Variants in LRRC4C observed in about 807,000 individuals in gnomAD.
LRRC4C encodes the protein leucine-rich repeat-containing protein 4C.
A neutral mutation model predicts 33.6 loss-of-function variants in LRRC4C; 5 were observed. That is an observed-to-expected ratio of 0.15 (90% CI 0.08 to 0.31). The LOEUF is 0.31. Among genes scored for constraint, LRRC4C ranks in the 10% least tolerant of loss-of-function variants. LRRC4C has a pLI of 1.00. For missense variants in LRRC4C, 560 were observed against 796.7 expected, an observed-to-expected ratio of 0.70 and a Z score of 3.58; for synonymous variants, 329 against 302.0, an observed-to-expected ratio of 1.09 and a Z score of -0.93.
chr11:40,622,705 A>G (rs1304291434), intron 3 of LRRC4C, among the ~76,000 whole-genome samples: 1 of 151,868 alleles, frequency 6.6e-6, no homozygotes, highest in Non-Finnish European at 1.5e-5. Flanking sequence ...AGTGGAAAAG[A>G]GCATGGAGTT....
rs77884867 is a variant in LRRC4C at position 40,691,543 on chromosome 11, T to C, written c.-406-43265A>G. Among the ~76,000 whole-genome samples the C allele has an allele frequency of 6.8e-3, 1,037 of 152,136 alleles. 16 individuals are homozygous for C. Among genetic ancestry groups the C allele is most frequent in the African/African-American group, 0.024 (977 of 41,522 alleles). ...GCAAGAGAATACAAAAATAACTACA[T>C]ACCGGTGTACAAGGAAATACTCAGA... On this transcript the variant is annotated intron_variant, in intron 2 of 6. Transcript: ENST00000528697.
chr11:41,126,655 T>C (rs1015013491), intron 1 of LRRC4C, among the ~76,000 whole-genome samples: 13 of 151,940 alleles, frequency 8.6e-5, no homozygotes, highest in Admixed American at 2.0e-4. Flanking sequence ...CTTTGGCCCA[T>C]AGGGCATCAA....
intron 1 of LRRC4C, among the ~76,000 whole-genome samples, chr11:40,975,298 T>A (rs1365759360): frequency 1.3e-5 from 2 of 152,198 alleles, no homozygotes; most frequent in African/African-American, 4.8e-5. Flanking sequence ...GTTGTGATCT[T>A]CCTTCTGAGT....
intron 2 of LRRC4C, among the ~76,000 whole-genome samples, chr11:40,861,498 A>G (rs944515109): frequency 1.1e-4 from 16 of 152,322 alleles, no homozygotes; most frequent in African/African-American, 3.4e-4. Context: ...GGTTTATGGA[A>G]AATCTGAGAA....
At chr11:40,902,694 G>A (rs906924317) in intron 2 of LRRC4C, among the ~76,000 whole-genome samples, 5 of 152,136 alleles carry the variant, frequency 3.3e-5, no homozygotes, top group African/African-American at 1.2e-4. Context: ...CCTGACTGCT[G>A]ATACGGAGAA....
intron 4 of LRRC4C, among the ~76,000 whole-genome samples, chr11:40,246,453 T>C (rs1866348065): frequency 6.6e-6 from 1 of 152,190 alleles, no homozygotes; most frequent in Non-Finnish European, 1.5e-5. Context: ...AATGATAACA[T>C]GGCATTTCAT....
At chr11:40,387,364 T>A (rs1284655722) in intron 3 of LRRC4C, among the ~76,000 whole-genome samples, 1 of 152,160 alleles carries the variant, frequency 6.6e-6, no homozygotes, top group Non-Finnish European at 1.5e-5. Context: ...CCCACAGATG[T>A]TTGGGGACAT....
intron 1 of LRRC4C, among the ~76,000 whole-genome samples, chr11:41,300,444 T>A (rs74912924): frequency 1.3e-5 from 2 of 152,200 alleles, no homozygotes; most frequent in African/African-American, 4.8e-5. Flanking sequence ...AAATCTCAGG[T>A]TCCTCTCAGA....
At chr11:40,646,382 T>C (rs535955022) in intron 3 of LRRC4C, among the ~76,000 whole-genome samples, 6 of 152,208 alleles carry the variant, frequency 3.9e-5, no homozygotes, top group Non-Finnish European at 8.8e-5. Context: ...CTTCTAGAAC[T>C]GCCTTTTTTA....
intron 3 of LRRC4C, among the ~76,000 whole-genome samples, chr11:40,414,842 T>C (rs1338342048): frequency 6.6e-6 from 1 of 152,052 alleles, no homozygotes; most frequent in Non-Finnish European, 1.5e-5. Flanking sequence ...GGAACTCCTA[T>C]TGATTCTTTT....
intron 1 of LRRC4C, among the ~76,000 whole-genome samples, chr11:41,195,374 A>T (rs1229663568): frequency 6.6e-6 from 1 of 152,156 alleles, no homozygotes; most frequent in Non-Finnish European, 1.5e-5. Context: ...GTCTGCATAG[A>T]TAAAGCCATT....
intron 3 of LRRC4C, among the ~76,000 whole-genome samples, chr11:40,386,707 A>G (rs1023631653): frequency 6.6e-6 from 1 of 152,030 alleles, no homozygotes; most frequent in Non-Finnish European, 1.5e-5. Context: ...ATTATATCAG[A>G]TGTGCCAAAG....
In LRRC4C at chr11:40,259,867, C is replaced by G. The variant is rs566605247; in HGVS notation, c.-175-18269G>C. On this transcript the variant is annotated intron_variant, in intron 4 of 6. Transcript: ENST00000528697. ...AACCACAATGAGATACCATCTCACA[C>G]CAGTTAGAATGTCGATCATTAAAAA... Among the ~76,000 whole-genome samples the G allele has an allele frequency of 9.9e-5, 15 of 152,136 alleles. No individual in the cohort carries two copies. In the East Asian group the frequency reaches 2.7e-3, roughly 27 times the overall value.
At chr11:41,250,596 G>A (rs1177081500) in intron 1 of LRRC4C, among the ~76,000 whole-genome samples, 1 of 152,202 alleles carries the variant, frequency 6.6e-6, no homozygotes, top group Non-Finnish European at 1.5e-5. Context: ...TTACTGGCTT[G>A]TGATGACTTG....
intron 5 of LRRC4C, among the ~76,000 whole-genome samples, chr11:40,189,656 TAA>T (rs1319078469): frequency 6.6e-6 from 1 of 152,136 alleles, no homozygotes; most frequent in African/African-American, 2.4e-5. Context: ...AACCATAACA[TAA>T]AAAGAGATGA....
intron 3 of LRRC4C, among the ~76,000 whole-genome samples, chr11:40,439,598 C>T (rs538656565): frequency 4.6e-5 from 7 of 151,976 alleles, no homozygotes; most frequent in Non-Finnish European, 7.4e-5. Context: ...GGATTACAAG[C>T]GTGTACCACT....
At chr11:41,348,446 A>G (rs1384463384) in intron 1 of LRRC4C, among the ~76,000 whole-genome samples, 1 of 152,114 alleles carries the variant, frequency 6.6e-6, no homozygotes, top group Non-Finnish European at 1.5e-5. Flanking sequence ...ATTTAATATA[A>G]TCCTGCTTTT....
chr11:41,175,292 A>G (rs1413499399), intron 1 of LRRC4C, among the ~76,000 whole-genome samples: 1 of 152,178 alleles, frequency 6.6e-6, no homozygotes, highest in African/African-American at 2.4e-5. Flanking sequence ...TCATTTTACT[A>G]TTTTATACAC....
At chr11:40,939,651 A>C (rs1186657960) in intron 1 of LRRC4C, among the ~76,000 whole-genome samples, 1 of 152,126 alleles carries the variant, frequency 6.6e-6, no homozygotes, top group Non-Finnish European at 1.5e-5. Flanking sequence ...ACTCTATCAA[A>C]AAAGGGGCTC....
Sources: allele counts gnomAD v4.1 joint callset (sites outside exome capture counted in the v4.1 genomes callset), GRCh38; gene constraint gnomAD v4.1.1; transcripts MANE v1.5; gene names NCBI Gene and HGNC (gene_info 2026-07-23, HGNC 2026-07-21).